Variants in TLE1 observed in about 807,000 individuals in gnomAD.
TLE1 encodes transducin-like enhancer protein 1.
A neutral mutation model predicts 89.8 loss-of-function variants in TLE1; 21 were observed. The ratio of observed to expected loss-of-function variants is 0.23; its 90% confidence interval spans 0.17 to 0.34. The LOEUF (loss-of-function observed/expected upper bound fraction) is 0.34, where lower values mean the gene tolerates loss of function less well. Ranked by LOEUF, TLE1 falls within the 10% of genes least tolerant of loss-of-function variation. The pLI, the probability that TLE1 is intolerant of heterozygous loss-of-function variation, is 1.00. For missense variants in TLE1, 795 were observed against 1,031.2 expected, an observed-to-expected ratio of 0.77 and a Z score of 3.14; for synonymous variants, 447 against 407.6, an observed-to-expected ratio of 1.10 and a Z score of -1.16.
chr9:81,622,027 C>G (rs7856380), intron 8 of TLE1, among the ~76,000 whole-genome samples: 2 of 152,120 alleles, frequency 1.3e-5, no homozygotes, highest in Non-Finnish European at 2.9e-5. Flanking sequence ...GCTGGATCCC[C>G]GAACTAATTA....
chr9:81,617,026 T>C (rs1824609395), intron 9 of TLE1, among the ~76,000 whole-genome samples: 1 of 152,016 alleles, frequency 6.6e-6, no homozygotes. Flanking sequence ...AACAGCTGAA[T>C]TTCTCGAGGG....
chr9:81,622,512 T>C (rs1173910744), intron 8 of TLE1, among the ~76,000 whole-genome samples: 1 of 152,230 alleles, frequency 6.6e-6, no homozygotes, highest in Non-Finnish European at 1.5e-5. Context: ...ACACTTCTGT[T>C]AGAAACAATA....
intron 4 of TLE1, among the ~76,000 whole-genome samples, chr9:81,681,844 C>T (rs1477386767): frequency 6.6e-6 from 1 of 152,182 alleles, no homozygotes; most frequent in Non-Finnish European, 1.5e-5. Context: ...CCTGACATGT[C>T]TTACAAATCA....
At chr9:81,685,933 A>T (rs765473779) in intron 2 of TLE1, 37 bp from the exon 3 acceptor site, 2 of 1,607,668 alleles carry the variant, frequency 1.2e-6, no homozygotes, top group Non-Finnish European at 1.7e-6. Context: ...TGTAAACATT[A>T]TGTCACTTGT....
chr9:81,674,960 T>A (rs539154358), intron 4 of TLE1, among the ~76,000 whole-genome samples: 1 of 151,770 alleles, frequency 6.6e-6, no homozygotes, highest in South Asian at 2.1e-4. Flanking sequence ...TTCGAGACCA[T>A]CCTGGACAAC....
chr9:81,635,861 A>G (rs1827292156), intron 6 of TLE1, among the ~76,000 whole-genome samples: 1 of 152,128 alleles, frequency 6.6e-6, no homozygotes, highest in African/African-American at 2.4e-5. Flanking sequence ...CAACTTTTCT[A>G]AAAATGTTTA....
At chr9:81,639,097 A>AT (rs1207736106) in intron 6 of TLE1, among the ~76,000 whole-genome samples, 6 of 148,550 alleles carry the variant, frequency 4.0e-5, no homozygotes, top group African/African-American at 1.2e-4. Flanking sequence ...CACTTGGCTA[A>AT]TTTTTTTTTA....
intron 15 of TLE1, among the ~76,000 whole-genome samples, chr9:81,591,658 G>A (rs1336320030): frequency 6.6e-6 from 1 of 152,120 alleles, no homozygotes; most frequent in Non-Finnish European, 1.5e-5. Context: ...TGCAGATATG[G>A]CTAAAGTTTG....
rs190346484 is a variant in TLE1 at position 81,658,150 on chromosome 9, G to A, written c.235-4114C>T. 3.4e-3 allele frequency among the ~76,000 whole-genome samples: 509 copies of A among 151,688 alleles called. 4 individuals carry two copies. The highest frequency in any genetic ancestry group is 0.011 in the African/African-American group (466 of 41,360). On this transcript the variant is annotated intron_variant, in intron 4 of 19. Transcript: ENST00000376499. ...TGATTTTAAACTCCTGACCTCAAGTGATCCACCTGCCTCAGCCTCCCAAAG... is the reference window on the plus strand; with the variant it reads ...TGATTTTAAACTCCTGACCTCAAGTAATCCACCTGCCTCAGCCTCCCAAAG...
chr9:81,636,103 G>A (rs1827323783), intron 6 of TLE1, among the ~76,000 whole-genome samples: 1 of 152,156 alleles, frequency 6.6e-6, no homozygotes, highest in Non-Finnish European at 1.5e-5. Flanking sequence ...TGGAAAAGGG[G>A]ATGAGGTCAG....
Position 81,687,518 on chromosome 9 carries a change from T to C in TLE1, c.25-84A>G, listed in dbSNP as rs933675085. On this transcript the variant is annotated intron_variant, in intron 1 of 19. Transcript: ENST00000376499. Reference sequence around the variant, plus strand: ...GTAAGTCAGAGAAGGCAAGAACGGGTGGGACATAAACATAAAGTTAGAAGT... The same window carrying C: ...GTAAGTCAGAGAAGGCAAGAACGGGCGGGACATAAACATAAAGTTAGAAGT... The C allele has an allele frequency of 2.9e-6, 3 of 1,031,834 alleles. No homozygotes were observed. In the Admixed American group the frequency reaches 6.2e-5, roughly 21 times the overall value. The allele number at this position is 1,031,834 out of a possible 1,614,324, so 63.9% of individuals were successfully genotyped here. A position where few individuals can be genotyped will look rare whatever the true frequency, so the allele number is the denominator to read the frequency against.
intron 6 of TLE1, among the ~76,000 whole-genome samples, chr9:81,637,859 G>T (rs1827602489): frequency 6.6e-6 from 1 of 151,784 alleles, no homozygotes. Flanking sequence ...AGTCAGGGAG[G>T]GTAGGTATCA....
intron 11 of TLE1, among the ~76,000 whole-genome samples, chr9:81,615,136 A>AGGC (rs1489143548): frequency 3.6e-5 from 5 of 137,830 alleles, no homozygotes; most frequent in Admixed American, 1.6e-4. Flanking sequence ...AAGAAGAAGA[A>AGGC]GGCAATGAAC....
chr9:81,608,012 CAG>C (rs1270370281), intron 14 of TLE1, among the ~76,000 whole-genome samples: 1 of 152,160 alleles, frequency 6.6e-6, no homozygotes, highest in Non-Finnish European at 1.5e-5. Flanking sequence ...AAGCAGGTGA[CAG>C]GGTAAGAAAT....
chr9:81,643,341 A>G (rs1056284063), intron 6 of TLE1, among the ~76,000 whole-genome samples: 1 of 151,604 alleles, frequency 6.6e-6, no homozygotes, highest in African/African-American at 2.4e-5. Context: ...GGTTCAAGCG[A>G]TTCTCCTGCC....
At chr9:81,615,081 CAAAAAAAAAAAAAAAAAAAAAAAA>C (rs34947337) in intron 11 of TLE1, among the ~76,000 whole-genome samples, 8 of 25,106 alleles carry the variant, frequency 3.2e-4, no homozygotes, top group South Asian at 3.5e-3. Context: ...GACTCCATCT[CAAAAAAAAAAAAAAAAAAAAAAAA>C]AAAAAAAAAA....
intron 8 of TLE1, among the ~76,000 whole-genome samples, chr9:81,625,482 G>A (rs1825784650): frequency 6.6e-6 from 1 of 152,184 alleles, no homozygotes. Flanking sequence ...TAGCTCAATG[G>A]CCTGAAGGTA....
intron 4 of TLE1, among the ~76,000 whole-genome samples, chr9:81,673,272 TAAAAAA>T (rs5898756): frequency 6.1e-5 from 6 of 97,998 alleles, no homozygotes; most frequent in Non-Finnish European, 9.4e-5. Context: ...AGACTTCATT[TAAAAAA>T]AAAAAAAAAA....
rs760195159 is a variant in TLE1, at chr9:81,590,981, G to A, written c.1653C>T (p.Ala551=). Residue 551 remains alanine, a synonymous_variant, in exon 16 of 20, where the codon GCC becomes GCT. Transcript: ENST00000376499. The part of the protein sequence containing the change: ...DGCTLIVGGE[A]STLSIWDLAA... ...CCAGGTCCCAAATGGACAAAGTACT[G>A]GCTTCCCCTCCCACTATGAGAGTGC... 9.3e-6 allele frequency: 15 copies of A among 1,614,238 alleles called. No individual in the cohort carries two copies. In the South Asian group the frequency reaches 1.1e-4, roughly 12 times the overall value.
Sources: allele counts gnomAD v4.1 joint callset (sites outside exome capture counted in the v4.1 genomes callset), GRCh38; gene constraint gnomAD v4.1.1; transcripts MANE v1.5; gene names NCBI Gene and HGNC (gene_info 2026-07-23, HGNC 2026-07-21).